Variants in WDR53 observed in about 807,000 individuals in gnomAD.
The protein encoded by WDR53 is WD repeat-containing protein 53.
WDR53 carries 19 observed loss-of-function variants against 21.3 expected under a neutral mutation model. That is an observed-to-expected ratio of 0.89 (90% CI 0.62 to 1.31). The LOEUF is 1.31. Ranked by LOEUF, WDR53 falls within the 50% of genes most tolerant of loss-of-function variation. WDR53 has a pLI of 0.00. For missense variants in WDR53, 374 were observed against 423.2 expected (o/e 0.88, Z 1.02); for synonymous variants, 157 against 163.4 (o/e 0.96, Z 0.30).
At chr3:196,558,726 G>A (rs1734560419) in intron 3 of WDR53, among the ~76,000 whole-genome samples, 1 of 152,154 alleles carries the variant, frequency 6.6e-6, no homozygotes, top group Admixed American at 6.5e-5. Context: ...CCCATAGACT[G>A]GCTATCCTTA....
chr3:196,565,927 A>G (rs1281164193), intron 2 of WDR53, among the ~76,000 whole-genome samples: 1 of 152,228 alleles, frequency 6.6e-6, no homozygotes, highest in Non-Finnish European at 1.5e-5. Context: ...CCCCACATTC[A>G]CGTATCAAGT....
At position 196,554,811 on chromosome 3, in the gene WDR53, T is replaced by TATAA; in HGVS notation, c.481-5_481-4insTTAT. 1 of 1,604,090 alleles carries TATAA rather than the reference T, an allele frequency of 6.2e-7. No homozygotes were observed. The highest frequency in any genetic ancestry group is 8.5e-7 in the Non-Finnish European group (1 of 1,174,358). On this transcript the variant is annotated splice_polypyrimidine_tract_variant and splice_region_variant and intron_variant, in intron 3 of 3. Coordinates refer to ENST00000332629, the MANE Select transcript of WDR53 (RefSeq NM_182627.3). ...TTTGAAGACTCCACAGCATCACCTT[T>TATAA]ACATAAGAAGAAATTACACAGTCAT...
intron 2 of WDR53, among the ~76,000 whole-genome samples, chr3:196,564,885 T>C (rs1229426097): frequency 6.6e-6 from 1 of 152,170 alleles, no homozygotes; most frequent in Non-Finnish European, 1.5e-5. Context: ...CCATTACAAA[T>C]CTACCCACAG....
intron 3 of WDR53, among the ~76,000 whole-genome samples, chr3:196,555,138 C>T (rs1438910560): frequency 6.6e-6 from 1 of 152,170 alleles, no homozygotes; most frequent in East Asian, 1.9e-4. Context: ...CAAAGATTAT[C>T]AAATTTGCTA....
At chr3:196,557,784 C>CTTT (rs199924744) in intron 3 of WDR53, among the ~76,000 whole-genome samples, 1 of 142,636 alleles carries the variant, frequency 7.0e-6, no homozygotes. Flanking sequence ...TTTTTCTTTT[C>CTTT]TTTTTTTTTT....
intron 1 of WDR53, 26 bp downstream of exon 1, chr3:196,568,493 C>G (rs1341765851): frequency 6.6e-6 from 1 of 152,660 alleles, no homozygotes; most frequent in Non-Finnish European, 1.5e-5. Context: ...AAAGCAGCAT[C>G]GAAGCCACCG....
At chr3:196,564,395 C>CTTTTTTT (rs1553872894) in intron 2 of WDR53, among the ~76,000 whole-genome samples, 1 of 135,912 alleles carries the variant, frequency 7.4e-6, no homozygotes. Flanking sequence ...TTTCTTTTTT[C>CTTTTTTT]TTTTTTTTTT....
At chr3:196,555,882 TTC>T (rs1190042048) in intron 3 of WDR53, among the ~76,000 whole-genome samples, 1 of 152,206 alleles carries the variant, frequency 6.6e-6, no homozygotes, top group Non-Finnish European at 1.5e-5. Context: ...TACATTCTGC[TTC>T]TCTTAGATGA....
Position 196,561,324 on chromosome 3 carries a change from G to A in WDR53, c.152C>T (p.Ala51Val). The change falls in exon 3 of 4, where the codon GCT (alanine) becomes GTT (valine). Residue 51 changes from alanine (A) to valine (V), a missense_variant. Ala to Val is a moderately conservative substitution (Grantham distance 64, BLOSUM62 0). Coordinates refer to ENST00000332629, the MANE Select transcript of WDR53 (RefSeq NM_182627.3). ...TPLGHTRFQG[A>V]DDVTSVLFSP... Reference sequence around the variant, plus strand: ...AAATAAGACACTGGTAACATCATCAGCCCCTTGGAACCGCGTGTGTCCTAA... The same window carrying A: ...AAATAAGACACTGGTAACATCATCAACCCCTTGGAACCGCGTGTGTCCTAA... The A allele has an allele frequency of 2.5e-6, 4 of 1,614,184 alleles. No individual in the cohort carries two copies. The highest frequency in any genetic ancestry group is 3.4e-6 in the Non-Finnish European group (4 of 1,180,034).
At chr3:196,565,136 A>G (rs998309720) in intron 2 of WDR53, among the ~76,000 whole-genome samples, 3 of 152,196 alleles carry the variant, frequency 2.0e-5, no homozygotes, top group Non-Finnish European at 4.4e-5. Flanking sequence ...TTAGTCTCAC[A>G]AGACCCCAAG....
chr3:196,567,174 T>C lies in WDR53; in HGVS notation c.-314A>G. On this transcript the variant is annotated 5_prime_UTR_variant, in exon 2 of 4. It removes the in-frame stop codon of an upstream open reading frame in the 5' UTR. Coordinates refer to ENST00000332629, the MANE Select transcript of WDR53 (RefSeq NM_182627.3). ...TTATCCTTGAAGACTTCAAAGAAATTAGTGAGAGACAGTCACCATCACCAG... is the reference window on the plus strand; with the variant it reads ...TTATCCTTGAAGACTTCAAAGAAATCAGTGAGAGACAGTCACCATCACCAG... The C allele has an allele frequency of 2.2e-6, 1 of 457,210 alleles. No homozygotes were observed. Among genetic ancestry groups the C allele is most frequent in the Non-Finnish European group, 4.4e-6 (1 of 227,062 alleles). The allele number at this position is 457,210 out of a possible 1,614,324, so 28.3% of individuals were successfully genotyped here.
At chr3:196,560,816 G>A (rs1269388296) in intron 3 of WDR53, among the ~76,000 whole-genome samples, 180 bp downstream of exon 3, 1 of 152,196 alleles carries the variant, frequency 6.6e-6, no homozygotes, top group Non-Finnish European at 1.5e-5. Context: ...ATTACTTTGT[G>A]AATAAATTCT....
chr3:196,554,314 T>C lies in WDR53; in HGVS notation c.974A>G (p.Glu325Gly), dbSNP rs769516899. 5 of 1,614,208 alleles carry C rather than the reference T, an allele frequency of 3.1e-6. No homozygotes were observed. Among genetic ancestry groups the C allele is most frequent in the Non-Finnish European group, 4.2e-6 (5 of 1,180,010 alleles). ...TGTACCCAAGAGCCAGTTCACTTTT[T>C]CTCCATGTTCAATATTTAGCTTTGG... ...ILPKLNIEHG[E>G]KVNWLLGTKI... is the part of the protein sequence containing the mutation. Residue 325 changes from glutamate to glycine, a missense_variant, in exon 4 of 4, where the codon GAA becomes GGA. By Grantham distance (98) the Glu-to-Gly change is moderately conservative. Coordinates refer to ENST00000332629, the MANE Select transcript of WDR53 (RefSeq NM_182627.3).
chr3:196,566,349 A>G (rs1735391691), intron 2 of WDR53, among the ~76,000 whole-genome samples: 1 of 152,014 alleles, frequency 6.6e-6, no homozygotes, highest in Non-Finnish European at 1.5e-5. Flanking sequence ...CGGCCTCCCA[A>G]AGTGCTGGGA....
chr3:196,554,879 C>T (rs1330382464), intron 3 of WDR53, 72 bp from the exon 4 acceptor site: 1 of 1,277,646 alleles, frequency 7.8e-7, no homozygotes, highest in African/African-American at 1.5e-5. Flanking sequence ...GCTTATTCAG[C>T]TTCTAATAAA....
At chr3:196,566,313 C>G (rs1349673201) in intron 2 of WDR53, among the ~76,000 whole-genome samples, 4 of 151,848 alleles carry the variant, frequency 2.6e-5, no homozygotes, top group Non-Finnish European at 5.9e-5. Flanking sequence ...TGGTCTAACT[C>G]CTGAGCTCAA....
chr3:196,563,883 T>G (rs2108704002), intron 2 of WDR53, among the ~76,000 whole-genome samples: 1 of 152,306 alleles, frequency 6.6e-6, no homozygotes, highest in East Asian at 1.9e-4. Flanking sequence ...CCCCCTACTT[T>G]TAGTCACACA....
In WDR53 at chr3:196,554,334, C is replaced by T; in HGVS notation, c.954G>A (p.Lys318=). 6.2e-7 allele frequency: 1 copy of T among 1,614,060 alleles called. No individual in the cohort carries two copies. Among genetic ancestry groups the T allele is most frequent in the South Asian group, 1.1e-5 (1 of 91,078 alleles). The change falls in exon 4 of 4, where the codon AAG becomes AAA. Residue 318 remains lysine (K), a synonymous_variant. Transcript: ENST00000332629. ...CTTTTTCTCCATGTTCAATATTTAGCTTTGGTAAAATGTTGCCATGTTCTT... is the reference window on the plus strand; with the variant it reads ...CTTTTTCTCCATGTTCAATATTTAGTTTTGGTAAAATGTTGCCATGTTCTT... ...DEEEHGNILP[K]LNIEHGEKVN...
chr3:196,557,135 G>A (rs952335866), intron 3 of WDR53, among the ~76,000 whole-genome samples: 6 of 152,204 alleles, frequency 3.9e-5, no homozygotes, highest in African/African-American at 1.4e-4. Context: ...GAGAAAAAGT[G>A]GGGAACCAGC....
Sources: gnomAD v4.1 joint callset for allele counts (sites outside exome capture counted in the v4.1 genomes callset) on GRCh38, gnomAD v4.1.1 for gene constraint, MANE v1.5 for transcripts, NCBI Gene and HGNC (gene_info 2026-07-23, HGNC 2026-07-21) for gene names.